The following CPSF4L variants were observed in gnomAD, a reference collection of about 807,000 sequenced individuals.
CPSF4L encodes putative cleavage and polyadenylation specificity factor subunit 4-like protein.
A neutral mutation model predicts 24.0 loss-of-function variants in CPSF4L; 18 were observed. The ratio of observed to expected loss-of-function variants is 0.75; its 90% CI spans 0.52 to 1.11. The LOEUF is 1.11. Among genes scored for constraint, CPSF4L ranks in the 50% least tolerant of loss-of-function variants. The pLI is 0.00. For synonymous variants in CPSF4L, 72 were observed against 77.2 expected, an observed-to-expected ratio of 0.93 and a Z score of 0.35; for missense variants, 211 against 221.8, an observed-to-expected ratio of 0.95 and a Z score of 0.31.
chr17:73,250,897 C>A, intron 5 of CPSF4L: 1 of 1,173,592 alleles, frequency 8.5e-7, no homozygotes, highest in Non-Finnish European at 1.2e-6. Flanking sequence ...GAGTCATTCT[C>A]CAGCTCCCTG....
intron 1 of CPSF4L, 60 bp from the exon 2 acceptor site, chr17:73,261,043 A>G: frequency 7.2e-7 from 1 of 1,391,378 alleles, no homozygotes; most frequent in African/African-American, 1.4e-5. Flanking sequence ...CTGTTCCGGA[A>G]GCCTCCACCT....
At chr17:73,249,463 G>C (rs2061993408) in intron 5 of CPSF4L, among the ~76,000 whole-genome samples, 3 of 152,142 alleles carry the variant, frequency 2.0e-5, no homozygotes, top group Admixed American at 2.0e-4. Flanking sequence ...CCATTGGTTT[G>C]AACTGGCATT....
At chr17:73,247,697 T>G (rs754090034), downstream of CPSF4L, 3 of 179,230 alleles carry the variant, frequency 1.7e-5, no homozygotes, top group Non-Finnish European at 3.5e-5. Flanking sequence ...CCTGTATTAA[T>G]AAGAAGACAG....
At chr17:73,251,190 C>A (rs895819989) in intron 5 of CPSF4L, 2 of 1,363,258 alleles carry the variant, frequency 1.5e-6, no homozygotes, top group Non-Finnish European at 1.9e-6. Flanking sequence ...GGGACGCTGG[C>A]CATGCATTTA....
chr17:73,262,301 C>T (rs570959493), upstream of CPSF4L: 1 of 154,410 alleles, frequency 6.5e-6, no homozygotes, highest in African/African-American at 2.4e-5. Context: ...CGTCCCACCT[C>T]CCCGCTTCTT....
chr17:73,248,264 CAAGT>C (rs575759799), downstream of CPSF4L: 167 of 521,144 alleles, frequency 3.2e-4, no homozygotes, highest in African/African-American at 2.8e-3. Context: ...GAATAGTAGA[CAAGT>C]AAGACTGCTA....
intron 5 of CPSF4L, among the ~76,000 whole-genome samples, chr17:73,252,295 C>G (rs1386251164): frequency 6.6e-6 from 1 of 152,202 alleles, no homozygotes; most frequent in African/African-American, 2.4e-5. Flanking sequence ...TTTCATATTT[C>G]AGAACCCTGT....
the CPSF4L span, chr17:73,242,959 C>T: frequency 1.6e-5 from 26 of 1,613,876 alleles, no homozygotes; most frequent in African/African-American, 3.5e-4. Context: ...ATGCTCTTCA[C>T]AGGATACTTC....
Position 73,254,146 on chromosome 17 carries a change from C to T in CPSF4L, c.308-120G>A, listed in dbSNP as rs2062015661. On this transcript the variant is annotated intron_variant, in intron 3 of 5. Coordinates refer to ENST00000344935, the MANE Select transcript of CPSF4L (RefSeq NM_001129885.1). ...AGACACTGGCCTTTATTCTGGGAGT[C>T]ACCAGCTTTTTGAAGATGGAAAGTA... 1.5e-5 allele frequency: 11 copies of T among 725,112 alleles called. No homozygotes were observed. The South Asian group carries it at 1.9e-4, about 12-fold the overall frequency. The allele number at this position is 725,112 out of a possible 1,614,324, so 44.9% of individuals were successfully genotyped here.
At position 73,250,843 on chromosome 17, in the gene CPSF4L, C is replaced by T. The variant is rs187977183; in HGVS notation, c.497+1787G>A. 13 of 643,874 alleles carry T rather than the reference C, an allele frequency of 2.0e-5. No homozygotes were observed. The African/African-American group carries it at 2.4e-4, about 12-fold the overall frequency. 39.9% of individuals were successfully genotyped at this position (643,874 alleles called of 1,614,324 possible). A position where few individuals can be genotyped will look rare whatever the true frequency, so the allele number is the denominator to read the frequency against. ...TGCCAACAGGATGGTTTACAGTATC[C>T]TCTCATTCTCCCCTAATTCACACTC... is the stretch of plus-strand genomic sequence containing the variant. On this transcript the variant is annotated intron_variant, in intron 5 of 5. Transcript: ENST00000344935.
chr17:73,251,116 C>T, intron 5 of CPSF4L: 1 of 1,534,340 alleles, frequency 6.5e-7, no homozygotes, highest in South Asian at 1.2e-5. Flanking sequence ...AGCTGAAGTG[C>T]AGTCGTGAGA....
downstream of CPSF4L, chr17:73,248,414 A>G (rs1468387992): frequency 1.5e-5 from 19 of 1,254,532 alleles, no homozygotes; most frequent in Admixed American, 8.1e-5. Context: ...TCTTAAAATC[A>G]TGCTGCAGAA....
intron 3 of CPSF4L, among the ~76,000 whole-genome samples, chr17:73,255,809 A>G (rs184164665): frequency 1.0e-3 from 157 of 152,232 alleles, no homozygotes; most frequent in Admixed American, 6.7e-3. Context: ...AGTCATCTAC[A>G]CTGGTTGCCG....
At chr17:73,246,261 C>T (rs764580360), downstream of CPSF4L, among the ~76,000 whole-genome samples, 4 of 152,022 alleles carry the variant, frequency 2.6e-5, no homozygotes, top group Non-Finnish European at 5.9e-5. Context: ...ATGCTGGGTG[C>T]GGTGGCTCAC....
intron 2 of CPSF4L, 131 bp from the exon 3 acceptor site, chr17:73,257,964 G>A: frequency 3.4e-6 from 3 of 880,298 alleles, no homozygotes; most frequent in Admixed American, 5.7e-5. Context: ...CCTTCACCTG[G>A]ACCCTGTAGG....
intron 4 of CPSF4L, among the ~76,000 whole-genome samples, chr17:73,253,526 T>C (rs570256427): frequency 5.3e-5 from 8 of 152,300 alleles, no homozygotes; most frequent in African/African-American, 1.9e-4. Context: ...CTCTTAAATT[T>C]GGCTGGCAGC....
At chr17:73,247,166 C>G, downstream of CPSF4L, 1 of 1,345,920 alleles carries the variant, frequency 7.4e-7, no homozygotes, top group Non-Finnish European at 1.1e-6. Flanking sequence ...CACACAACAA[C>G]AGCAAAGTCG....
At chr17:73,263,522 G>A (rs540021329), upstream of CPSF4L, among the ~76,000 whole-genome samples, 2 of 152,190 alleles carry the variant, frequency 1.3e-5, no homozygotes, top group South Asian at 4.1e-4. Context: ...AAGAAGGCCA[G>A]CAGTATGAAG....
chr17:73,250,010 A>C, intron 5 of CPSF4L: 1 of 421,396 alleles, frequency 2.4e-6, no homozygotes, highest in East Asian at 3.9e-5. Flanking sequence ...TTTTATGTAC[A>C]TTTTGCTCCC....
Sources: allele counts gnomAD v4.1 joint callset (sites outside exome capture counted in the v4.1 genomes callset), GRCh38; gene constraint gnomAD v4.1.1; transcripts MANE v1.5; gene names NCBI Gene and HGNC (gene_info 2026-07-23, HGNC 2026-07-21).